CPQ: variants seen among roughly 807,000 people sequenced by gnomAD.
The protein encoded by CPQ is Ser-Met dipeptidase.
A neutral mutation model predicts 45.7 loss-of-function variants in CPQ; 37 were observed. The observed-to-expected ratio is 0.81, with a 90% CI of 0.62 to 1.07. The LOEUF (loss-of-function observed/expected upper bound fraction) is 1.07, where lower values mean the gene tolerates loss of function less well. CPQ is among the 50% of genes least tolerant of loss of function. The pLI, the probability that CPQ is intolerant of heterozygous loss-of-function variation, is 0.00. For missense variants in CPQ, 537 were observed against 572.9 expected, an observed-to-expected ratio of 0.94 and a Z score of 0.64; for synonymous variants, 186 against 205.8, an observed-to-expected ratio of 0.90 and a Z score of 0.82.
intron 7 of CPQ, among the ~76,000 whole-genome samples, chr8:97,106,173 G>GAACAC (rs1811400910): frequency 6.6e-6 from 1 of 152,338 alleles, no homozygotes; most frequent in South Asian, 2.1e-4. Context: ...ATTTATATGT[G>GAACAC]AGAATGAATG....
intron 4 of CPQ, 63 bp downstream of exon 4, chr8:96,880,068 A>G: frequency 6.9e-7 from 1 of 1,445,900 alleles, no homozygotes; most frequent in Non-Finnish European, 9.7e-7. Context: ...GTTATTAGAG[A>G]TAGTTTGGGA....
chr8:96,829,560 T>C (rs950435422), intron 2 of CPQ, among the ~76,000 whole-genome samples: 6 of 152,126 alleles, frequency 3.9e-5, no homozygotes, highest in African/African-American at 1.4e-4. Flanking sequence ...GGAATACTCC[T>C]AATCACTGTA....
intron 1 of CPQ, among the ~76,000 whole-genome samples, chr8:96,712,363 T>A (rs996714102): frequency 3.9e-5 from 6 of 152,174 alleles, no homozygotes; most frequent in Non-Finnish European, 5.9e-5. Context: ...AGTGCTCCAG[T>A]GGGGCCTCTG....
intron 1 of CPQ, among the ~76,000 whole-genome samples, chr8:96,712,979 G>A (rs370034100): frequency 3.9e-5 from 6 of 151,978 alleles, no homozygotes; most frequent in African/African-American, 7.2e-5. Context: ...TGCCAAGTAC[G>A]CTAGATCATC....
rs35247469 is a variant in CPQ at position 96,730,866 on chromosome 8, C to CATATATATATATAT, written c.-34-53985_-34-53972dup. On this transcript the variant is annotated intron_variant, in intron 1 of 7. Transcript: ENST00000220763. ...GATCTAGATCAATTAACCATACATACATATATATATATATATATATATATA... is the reference window on the plus strand; with the variant it reads ...GATCTAGATCAATTAACCATACATACATATATATATATATATATATATATATATATATATATATA... Among the ~76,000 whole-genome samples, 526 of 68,582 alleles carry CATATATATATATAT rather than the reference C, an allele frequency of 7.7e-3. 7 individuals are homozygous for CATATATATATATAT. The highest frequency in any genetic ancestry group is 0.02 in the Middle Eastern group (2 of 98). The allele number at this position is 68,582 out of a possible 152,430, so 45.0% of individuals were successfully genotyped here.
chr8:96,816,576 T>C (rs1423296872), intron 2 of CPQ, among the ~76,000 whole-genome samples: 1 of 152,172 alleles, frequency 6.6e-6, no homozygotes, highest in Non-Finnish European at 1.5e-5. Context: ...AGAAGGTTGT[T>C]GATTTACTTT....
chr8:96,795,230 A>G (rs1289545083), intron 2 of CPQ, among the ~76,000 whole-genome samples: 1 of 152,218 alleles, frequency 6.6e-6, no homozygotes, highest in African/African-American at 2.4e-5. Flanking sequence ...AAGTCTCACA[A>G]TCATGGTGGA....
Position 97,069,312 on chromosome 8 carries a change from T to C in CPQ, c.1255+3102T>C, listed in dbSNP as rs544952570. ...CTGGAAGAAACAATGGTACTGGTTA[T>C]AACTCTTGTCACCTATTGAAAATTT... is the stretch of plus-strand genomic sequence containing the variant. On this transcript the variant is annotated intron_variant, in intron 7 of 7. Transcript: ENST00000220763. Among the ~76,000 whole-genome samples the C allele has an allele frequency of 1.2e-4, 18 of 152,178 alleles. No individual in the cohort carries two copies. The South Asian group carries it at 3.7e-3, about 31-fold the overall frequency.
At chr8:96,662,606 T>C (rs1385536327) in intron 1 of CPQ, among the ~76,000 whole-genome samples, 1 of 152,206 alleles carries the variant, frequency 6.6e-6, no homozygotes, top group Non-Finnish European at 1.5e-5. Context: ...ACAGAAACAA[T>C]TCTCAAAATA....
chr8:96,965,838 A>G (rs1253155047), intron 4 of CPQ, 97 bp from the exon 5 acceptor site: 3 of 724,830 alleles, frequency 4.1e-6, no homozygotes, highest in Admixed American at 3.5e-5. Flanking sequence ...AGAAAATATA[A>G]AAGTTTCATT....
At chr8:97,073,730 C>G (rs1244997226) in intron 7 of CPQ, among the ~76,000 whole-genome samples, 1 of 152,134 alleles carries the variant, frequency 6.6e-6, no homozygotes, top group East Asian at 1.9e-4. Context: ...GGGTGGGACA[C>G]TGGGAAGATA....
intron 3 of CPQ, among the ~76,000 whole-genome samples, chr8:96,840,274 AG>A (rs988107483): frequency 6.6e-6 from 1 of 152,220 alleles, no homozygotes; most frequent in Non-Finnish European, 1.5e-5. Flanking sequence ...CTAGGGGGTC[AG>A]AGAAATGCAA....
intron 5 of CPQ, among the ~76,000 whole-genome samples, chr8:96,978,018 A>G (rs965747378): frequency 1.3e-5 from 2 of 152,152 alleles, no homozygotes; most frequent in Admixed American, 1.3e-4. Context: ...CCTTTTTTTA[A>G]TTACATGTAA....
At chr8:96,851,867 A>G (rs1334779245) in intron 3 of CPQ, among the ~76,000 whole-genome samples, 2 of 152,156 alleles carry the variant, frequency 1.3e-5, no homozygotes, top group Non-Finnish European at 2.9e-5. Context: ...TGTGAGGCCC[A>G]TTTGTTTCCT....
At chr8:96,985,106 A>G (rs1436267184) in intron 5 of CPQ, among the ~76,000 whole-genome samples, 2 of 152,016 alleles carry the variant, frequency 1.3e-5, no homozygotes, top group Non-Finnish European at 2.9e-5. Flanking sequence ...AATTTGGAAG[A>G]TATTATTTTA....
At chr8:97,116,016 C>T (rs1341440810) in intron 7 of CPQ, among the ~76,000 whole-genome samples, 1 of 151,824 alleles carries the variant, frequency 6.6e-6, no homozygotes, top group African/African-American at 2.4e-5. Flanking sequence ...ATGGGTGAGG[C>T]TGACAGGCTA....
intron 3 of CPQ, among the ~76,000 whole-genome samples, chr8:96,836,944 A>G (rs1366963695): frequency 6.6e-6 from 1 of 152,146 alleles, no homozygotes; most frequent in Non-Finnish European, 1.5e-5. Context: ...TAGCCAATCC[A>G]TATTTCACTG....
At chr8:97,109,023 T>C (rs1811456335) in intron 7 of CPQ, among the ~76,000 whole-genome samples, 1 of 152,188 alleles carries the variant, frequency 6.6e-6, no homozygotes, top group South Asian at 2.1e-4. Context: ...CTCCTTCAAA[T>C]ATCTTGAGCA....
chr8:97,068,101 C>T (rs1440701526), intron 7 of CPQ, among the ~76,000 whole-genome samples: 6 of 152,152 alleles, frequency 3.9e-5, no homozygotes, highest in Admixed American at 3.9e-4. Flanking sequence ...TGTCCCTCCC[C>T]ATCCCAGGTA....
Sources: gnomAD v4.1 joint callset for allele counts (sites outside exome capture counted in the v4.1 genomes callset) on GRCh38, gnomAD v4.1.1 for gene constraint, MANE v1.5 for transcripts, NCBI Gene and HGNC (gene_info 2026-07-23, HGNC 2026-07-21) for gene names.